The following CAPS2 variants were observed in gnomAD, a reference collection of about 807,000 sequenced individuals.
CAPS2 encodes the protein calcyphosin-2.
Under a neutral mutation model 86.5 loss-of-function variants are expected in CAPS2, and 98 were observed. That is an observed-to-expected ratio of 1.13 (90% confidence interval 0.96 to 1.34). The LOEUF (loss-of-function observed/expected upper bound fraction) is 1.34. Among genes scored for constraint, CAPS2 ranks in the 40% most tolerant of loss-of-function variants. The probability of loss-of-function intolerance (pLI) is 0.00; values close to 1 mark genes in which losing one functional copy is unlikely to be tolerated. For missense variants in CAPS2, 729 were observed against 686.8 expected, an observed-to-expected ratio of 1.06 and a Z score of -0.69; for synonymous variants, 210 against 225.1, an observed-to-expected ratio of 0.93 and a Z score of 0.60.
chr12:75,349,677 TAATGA>T (rs1240567209), intron 1 of CAPS2, among the ~76,000 whole-genome samples: 6 of 152,114 alleles, frequency 3.9e-5, no homozygotes, highest in African/African-American at 1.4e-4. Flanking sequence ...AAGTTAAAAT[TAATGA>T]AATATTAGAC....
intron 16 of CAPS2, among the ~76,000 whole-genome samples, chr12:75,280,096 T>G (rs1179357724): frequency 6.6e-6 from 1 of 152,020 alleles, no homozygotes; most frequent in African/African-American, 2.4e-5. Context: ...GTTATATTTC[T>G]AAAACTATTA....
exon 17 of CAPS2, chr12:75,278,522 G>T: frequency 1.0e-6 from 1 of 991,578 alleles, no homozygotes; most frequent in Non-Finnish European, 1.2e-6. Flanking sequence ...CAGGAAACTT[G>T]GTTAATAAAT....
chr12:75,349,328 A>G (rs995446854), intron 1 of CAPS2, among the ~76,000 whole-genome samples: 15 of 152,228 alleles, frequency 9.9e-5, no homozygotes, highest in African/African-American at 3.6e-4. Flanking sequence ...AAATGATTAT[A>G]AAAGCACAGA....
chr12:75,352,480 C>G (rs979999132), intron 1 of CAPS2, among the ~76,000 whole-genome samples: 1 of 152,198 alleles, frequency 6.6e-6, no homozygotes, highest in Non-Finnish European at 1.5e-5. Flanking sequence ...GCACCCAATA[C>G]AGGAGCACCC....
At chr12:75,325,733 C>T (rs555402440) in intron 1 of CAPS2, among the ~76,000 whole-genome samples, 2 of 151,760 alleles carry the variant, frequency 1.3e-5, no homozygotes, top group African/African-American at 4.8e-5. Context: ...ATTGGTTCAG[C>T]TAGGAAACAA....
intron 7 of CAPS2, chr12:75,305,595 T>C (rs1437435862): frequency 3.2e-6 from 2 of 622,256 alleles, no homozygotes; most frequent in Non-Finnish European, 6.1e-6. Flanking sequence ...ACCCGACCAC[T>C]GCCCCAGGCC....
chr12:75,313,277 C>A (rs1448480766), intron 6 of CAPS2, among the ~76,000 whole-genome samples: 1 of 152,150 alleles, frequency 6.6e-6, no homozygotes, highest in East Asian at 1.9e-4. Context: ...GCATCTTAAC[C>A]TGCTCCAAGA....
At chr12:75,282,390 GT>G (rs1369591839) in intron 15 of CAPS2, 43 bp from the exon 16 acceptor site, 1 of 1,311,208 alleles carries the variant, frequency 7.6e-7, no homozygotes, top group Admixed American at 1.7e-5. Context: ...TTGGTTGGTT[GT>G]TTTGCTTTGC....
chr12:75,369,755 T>C, intron 1 of CAPS2: 5 of 985,106 alleles, frequency 5.1e-6, no homozygotes, highest in Non-Finnish European at 6.0e-6. Context: ...GTTTTAGAAA[T>C]ATTTGTTGAC....
At chr12:75,366,697 T>C in intron 1 of CAPS2, 1 of 547,194 alleles carries the variant, frequency 1.8e-6, no homozygotes, top group East Asian at 3.1e-5. Context: ...GGTTTTTTTG[T>C]GTTGCAGATC....
At chr12:75,332,660 G>A (rs1388302600), upstream of CAPS2, among the ~76,000 whole-genome samples, 7 of 152,070 alleles carry the variant, frequency 4.6e-5, no homozygotes, top group Admixed American at 2.6e-4. Flanking sequence ...TTATTAGAAA[G>A]TTAAAGAGAA....
intron 1 of CAPS2, among the ~76,000 whole-genome samples, chr12:75,339,618 T>C (rs985421149): frequency 3.9e-5 from 6 of 152,314 alleles, no homozygotes; most frequent in South Asian, 2.1e-4. Context: ...ATTTTTGTTT[T>C]TGTTGCAATT....
intron 1 of CAPS2, among the ~76,000 whole-genome samples, chr12:75,347,234 A>C (rs1257117675): frequency 6.6e-6 from 1 of 152,142 alleles, no homozygotes; most frequent in Non-Finnish European, 1.5e-5. Flanking sequence ...TGAGAAAAAC[A>C]AATAAATGTA....
intron 1 of CAPS2, chr12:75,366,976 G>A (rs959362090): frequency 1.4e-6 from 1 of 701,706 alleles, no homozygotes; most frequent in East Asian, 2.7e-5. Flanking sequence ...CTTGCAGCTT[G>A]CAGTAACAAA....
chr12:75,333,249 G>C (rs3924085), upstream of CAPS2, among the ~76,000 whole-genome samples: 61,137 of 113,880 alleles, frequency 0.54, 12,553 homozygotes, highest in South Asian at 0.64. Flanking sequence ...TCTATAGGCA[G>C]ACACACACAC....
rs113300028 is a variant in CAPS2 at position 75,375,333 on chromosome 12, A to G, written c.-395+15505T>C. Among the ~76,000 whole-genome samples the G allele has an allele frequency of 2.8e-3, 427 of 152,248 alleles. 3 individuals are homozygous for G. Among genetic ancestry groups the G allele is most frequent in the African/African-American group, 9.5e-3 (395 of 41,550 alleles). Reference sequence around the variant, plus strand: ...CCCCTACTTCAACTGGAGGACCACAATGATGTTTTGGATCCCCGGGAATCA... The same window carrying G: ...CCCCTACTTCAACTGGAGGACCACAGTGATGTTTTGGATCCCCGGGAATCA... On this transcript the variant is annotated intron_variant, in intron 1 of 5. Transcript: ENST00000551829.
At chr12:75,282,178 A>C in intron 16 of CAPS2, 73 bp downstream of exon 16, 1 of 867,038 alleles carries the variant, frequency 1.2e-6, no homozygotes, top group Non-Finnish European at 1.9e-6. Context: ...CTAAGGTTTA[A>C]ATTAATATAA....
At chr12:75,330,282 T>TG (rs2041186258), upstream of CAPS2, among the ~76,000 whole-genome samples, 1 of 151,800 alleles carries the variant, frequency 6.6e-6, no homozygotes, top group Non-Finnish European at 1.5e-5. Flanking sequence ...CCCAAAGGGG[T>TG]GAAACCTCAG....
intron 11 of CAPS2, among the ~76,000 whole-genome samples, chr12:75,298,009 C>T (rs975428587): frequency 6.6e-6 from 1 of 152,066 alleles, no homozygotes; most frequent in African/African-American, 2.4e-5. Context: ...TATTAGACTG[C>T]CAGCTCCAAA....
Sources: gnomAD v4.1 joint callset for allele counts (sites outside exome capture counted in the v4.1 genomes callset) on GRCh38, gnomAD v4.1.1 for gene constraint, MANE v1.5 for transcripts, NCBI Gene and HGNC (gene_info 2026-07-23, HGNC 2026-07-21) for gene names.